Variants in MAF observed in about 807,000 individuals in gnomAD.
The protein encoded by MAF is MAF bZIP transcription factor, also known as transcription factor Maf.
Under a neutral mutation model 22.0 loss-of-function variants are expected in MAF, and 10 were observed. The ratio of observed to expected loss-of-function variants is 0.45; its 90% confidence interval spans 0.28 to 0.77. MAF has a LOEUF of 0.77. Among genes scored for constraint, MAF ranks in the 30% least tolerant of loss-of-function variants. The pLI is 0.12. For missense variants in MAF, 544 were observed against 548.4 expected, an observed-to-expected ratio of 0.99 and a Z score of 0.08; for synonymous variants, 337 against 255.8, an observed-to-expected ratio of 1.32 and a Z score of -3.03.
chr16:79,347,980 G>C, the MAF span, among the ~76,000 whole-genome samples: 1 of 152,156 alleles, frequency 6.6e-6, no homozygotes, highest in Non-Finnish European at 1.5e-5. Context: ...GGGAGTGAAG[G>C]AATTCCACTC....
At chr16:79,306,921 T>C in the MAF span, among the ~76,000 whole-genome samples, 1 of 152,216 alleles carries the variant, frequency 6.6e-6, no homozygotes, top group South Asian at 2.1e-4. Context: ...TTGGCTATTT[T>C]GTGAAAAAGC....
chr16:79,295,122 A>C, the MAF span, among the ~76,000 whole-genome samples: 1 of 152,162 alleles, frequency 6.6e-6, no homozygotes. Context: ...GTCTATAAAT[A>C]AGACAAATGA....
chr16:79,433,146 T>G, the MAF span, among the ~76,000 whole-genome samples: 1 of 152,104 alleles, frequency 6.6e-6, no homozygotes, highest in Non-Finnish European at 1.5e-5. Context: ...TCCTGAATTA[T>G]GAAAGCTGTG....
chr16:79,420,006 T>C, the MAF span, among the ~76,000 whole-genome samples: 1 of 151,108 alleles, frequency 6.6e-6, no homozygotes, highest in African/African-American at 2.4e-5. Context: ...AACACACGGT[T>C]TTTTTTTTTC....
the MAF span, among the ~76,000 whole-genome samples, chr16:79,519,997 G>C: frequency 6.6e-6 from 1 of 152,228 alleles, no homozygotes; most frequent in Non-Finnish European, 1.5e-5. Flanking sequence ...AGTTGGGCAG[G>C]AGGGGATGCT....
At chr16:79,504,432 T>A in the MAF span, among the ~76,000 whole-genome samples, 6 of 152,196 alleles carry the variant, frequency 3.9e-5, no homozygotes, top group Non-Finnish European at 1.5e-5. Context: ...GTTACTAACT[T>A]CTTTGAGCCT....
At chr16:79,559,306 G>T in the MAF span, among the ~76,000 whole-genome samples, 1 of 152,068 alleles carries the variant, frequency 6.6e-6, no homozygotes, top group South Asian at 2.1e-4. Context: ...GAATCAGCCC[G>T]ATCACCCACA....
At chr16:79,519,496 T>C in the MAF span, among the ~76,000 whole-genome samples, 30 of 152,160 alleles carry the variant, frequency 2.0e-4, no homozygotes, top group African/African-American at 7.0e-4. Context: ...GTTTCCACCT[T>C]CAAGCACGAA....
the MAF span, among the ~76,000 whole-genome samples, chr16:79,216,631 G>A: frequency 1.3e-5 from 2 of 152,090 alleles, no homozygotes; most frequent in African/African-American, 4.8e-5. Context: ...ATTAAAGGTA[G>A]GCTGGGCTAT....
At chr16:79,553,650 AG>A in the MAF span, among the ~76,000 whole-genome samples, 1 of 152,366 alleles carries the variant, frequency 6.6e-6, no homozygotes, top group South Asian at 2.1e-4. Flanking sequence ...CCTCAAAGAA[AG>A]CCCAGGGGAA....
the MAF span, among the ~76,000 whole-genome samples, chr16:79,471,426 G>A: frequency 6.6e-6 from 1 of 152,338 alleles, no homozygotes; most frequent in East Asian, 1.9e-4. Flanking sequence ...GGGAGGCCAA[G>A]GCAGGCAGAT....
chr16:79,234,995 T>A, the MAF span, among the ~76,000 whole-genome samples: 1 of 152,030 alleles, frequency 6.6e-6, no homozygotes, highest in African/African-American at 2.4e-5. Flanking sequence ...CAGAGACACA[T>A]CCAGTAGCCA....
chr16:79,216,543 A>G, the MAF span, among the ~76,000 whole-genome samples: 14 of 152,222 alleles, frequency 9.2e-5, no homozygotes, highest in Non-Finnish European at 2.1e-4. Context: ...TCAACCCTCT[A>G]ATAAATCAGG....
the MAF span, among the ~76,000 whole-genome samples, chr16:79,406,535 T>C: frequency 6.6e-6 from 1 of 152,154 alleles, no homozygotes; most frequent in Non-Finnish European, 1.5e-5. Context: ...AGGAGCGACC[T>C]CCCCAGGGCC....
the MAF span, among the ~76,000 whole-genome samples, chr16:79,397,235 T>A: frequency 1.3e-5 from 2 of 152,226 alleles, no homozygotes; most frequent in African/African-American, 4.8e-5. Flanking sequence ...TGGGGCCACA[T>A]GCACTGAGTC....
At chr16:79,404,952 T>G in the MAF span, among the ~76,000 whole-genome samples, 1 of 152,152 alleles carries the variant, frequency 6.6e-6, no homozygotes, top group Non-Finnish European at 1.5e-5. Context: ...ACTTATGGGG[T>G]GTTTACAGAT....
At chr16:79,439,083 A>G in the MAF span, among the ~76,000 whole-genome samples, 1 of 152,022 alleles carries the variant, frequency 6.6e-6, no homozygotes, top group Non-Finnish European at 1.5e-5. Flanking sequence ...GCAGGGATTG[A>G]GTCTGGGATT....
chr16:79,480,091 C>G, the MAF span, among the ~76,000 whole-genome samples: 1 of 152,168 alleles, frequency 6.6e-6, no homozygotes, highest in East Asian at 1.9e-4. Flanking sequence ...AATCTTTGGC[C>G]TGTACCCAGA....
the MAF span, among the ~76,000 whole-genome samples, chr16:79,276,176 A>C: frequency 6.6e-6 from 1 of 152,052 alleles, no homozygotes; most frequent in Non-Finnish European, 1.5e-5. Context: ...AAAGGAAAGA[A>C]AAGAAAACAG....
Sources: gnomAD v4.1 joint callset for allele counts (sites outside exome capture counted in the v4.1 genomes callset) on GRCh38, gnomAD v4.1.1 for gene constraint, MANE v1.5 for transcripts, NCBI Gene and HGNC (gene_info 2026-07-23, HGNC 2026-07-21) for gene names.